The following WWC2 variants were observed in gnomAD, a reference collection of about 807,000 sequenced individuals.
WWC2 encodes the protein protein WWC2.
In WWC2, 101 loss-of-function variants were observed where a neutral mutation model predicts 138.5. The observed-to-expected ratio is 0.73, with a 90% CI of 0.62 to 0.86. The LOEUF is 0.86. WWC2 is among the 40% of genes least tolerant of loss of function. The pLI, the probability that WWC2 is intolerant of heterozygous loss-of-function variation, is 0.00. For synonymous variants in WWC2, 558 were observed against 538.4 expected, an observed-to-expected ratio of 1.04 and a Z score of -0.50; for missense variants, 1,420 against 1,419.4, an observed-to-expected ratio of 1.00 and a Z score of -0.01.
chr4:183,277,601 T>C (rs1174864134), intron 16 of WWC2, among the ~76,000 whole-genome samples: 1 of 144,296 alleles, frequency 6.9e-6, no homozygotes, highest in African/African-American at 2.6e-5. Context: ...CCACCAACAG[T>C]GTAAAAGTGT....
In WWC2 at chr4:183,104,072, G is replaced by A. The variant is rs542209769; in HGVS notation, c.131+4450G>A. On this transcript the variant is annotated intron_variant, in intron 1 of 22. Coordinates refer to ENST00000403733, the MANE Select transcript of WWC2 (RefSeq NM_024949.6). ...CCTCCTGGGTTCAAGTGATTCTCCT[G>A]CCTCAGCCTCCCGAGTAGCTGGGAT... Among the ~76,000 whole-genome samples, 7 of 151,758 alleles carry A rather than the reference G, an allele frequency of 4.6e-5. No homozygotes were observed. The East Asian group carries it at 1.4e-3, about 29-fold the overall frequency.
At chr4:183,207,725 G>A (rs1735485180) in intron 2 of WWC2, among the ~76,000 whole-genome samples, 1 of 152,190 alleles carries the variant, frequency 6.6e-6, no homozygotes, top group African/African-American at 2.4e-5. Flanking sequence ...ACAACATTGT[G>A]TGTGGTAGAT....
intron 11 of WWC2, among the ~76,000 whole-genome samples, chr4:183,264,038 C>G (rs1737417547): frequency 6.6e-6 from 1 of 152,120 alleles, no homozygotes; most frequent in African/African-American, 2.4e-5. Context: ...TGTGGTTATT[C>G]CTGGGGGTAA....
intron 21 of WWC2, among the ~76,000 whole-genome samples, chr4:183,291,675 A>G (rs1299468689): frequency 6.6e-6 from 1 of 152,224 alleles, no homozygotes; most frequent in African/African-American, 2.4e-5. Flanking sequence ...AAATTTCTAG[A>G]TATCAATAAT....
chr4:183,150,624 C>T (rs1445973212), intron 1 of WWC2, among the ~76,000 whole-genome samples: 6 of 152,020 alleles, frequency 3.9e-5, no homozygotes, highest in South Asian at 2.1e-4. Context: ...TGGTTTGCTG[C>T]GCCCATTAAC....
chr4:183,300,749 G>C (rs2111099716), intron 21 of WWC2, among the ~76,000 whole-genome samples: 1 of 142,066 alleles, frequency 7.0e-6, no homozygotes, highest in East Asian at 2.1e-4. Flanking sequence ...TCCCTGGTCA[G>C]CTTTTTTTTT....
chr4:183,151,161 T>C (rs1440895661), intron 1 of WWC2, among the ~76,000 whole-genome samples: 1 of 152,220 alleles, frequency 6.6e-6, no homozygotes, highest in Non-Finnish European at 1.5e-5. Flanking sequence ...ACCAACAGTG[T>C]AAAAGCATTC....
At chr4:183,199,538 G>A (rs1735246320) in intron 2 of WWC2, among the ~76,000 whole-genome samples, 1 of 152,182 alleles carries the variant, frequency 6.6e-6, no homozygotes, top group South Asian at 2.1e-4. Flanking sequence ...CCCTGTAGTA[G>A]ATGGCCAATA....
intron 4 of WWC2, among the ~76,000 whole-genome samples, chr4:183,225,939 A>G (rs1056477261): frequency 3.9e-5 from 6 of 152,204 alleles, no homozygotes; most frequent in African/African-American, 1.2e-4. Context: ...ACTCATAAAA[A>G]TTAACCACAT....
intron 21 of WWC2, among the ~76,000 whole-genome samples, chr4:183,305,636 A>G (rs1463726185): frequency 6.6e-6 from 1 of 152,204 alleles, no homozygotes; most frequent in Admixed American, 6.5e-5. Flanking sequence ...GGAAAAAGAA[A>G]CCAACCTAGA....
chr4:183,273,808 A>G (rs1465649415), intron 16 of WWC2, among the ~76,000 whole-genome samples: 4 of 152,220 alleles, frequency 2.6e-5, no homozygotes, highest in African/African-American at 9.6e-5. Context: ...TGCTTTTGGT[A>G]TCATAGCTAA....
intron 4 of WWC2, among the ~76,000 whole-genome samples, chr4:183,211,463 G>A (rs1735596124): frequency 6.6e-6 from 1 of 152,208 alleles, no homozygotes; most frequent in African/African-American, 2.4e-5. Context: ...GTTTTAGGTA[G>A]TCAGGCCAGG....
chr4:183,250,466 C>T (rs919523984), intron 8 of WWC2, among the ~76,000 whole-genome samples: 15 of 152,036 alleles, frequency 9.9e-5, no homozygotes, highest in African/African-American at 3.1e-4. Context: ...CAGTTCCAGT[C>T]GACTTAGGTT....
chr4:183,135,211 G>T lies in WWC2; in HGVS notation c.131+35589G>T, dbSNP rs961310859. ...TGGGATTACCGGAGTGAGCGACCCC[G>T]CCTGGCTGATCTTTATCTTTTAACT... On this transcript the variant is annotated intron_variant, in intron 1 of 22. Transcript: ENST00000403733. Among the ~76,000 whole-genome samples the T allele has an allele frequency of 3.3e-5, 5 of 152,054 alleles. No individual in the cohort carries two copies. The East Asian group carries it at 9.7e-4, about 29-fold the overall frequency.
intron 22 of WWC2, among the ~76,000 whole-genome samples, chr4:183,312,971 G>A (rs907976045): frequency 6.6e-6 from 1 of 152,160 alleles, no homozygotes; most frequent in Non-Finnish European, 1.5e-5. Flanking sequence ...GGATAGGTAG[G>A]GACCTGTGAG....
intron 5 of WWC2, among the ~76,000 whole-genome samples, chr4:183,244,793 G>GC (rs1272992081): frequency 1.3e-5 from 2 of 152,118 alleles, no homozygotes; most frequent in Non-Finnish European, 2.9e-5. Flanking sequence ...TAAAGCATTT[G>GC]CCCACGTCTT....
chr4:183,226,095 C>CTTT (rs11321151), intron 4 of WWC2, among the ~76,000 whole-genome samples: 16 of 113,486 alleles, frequency 1.4e-4, no homozygotes, highest in African/African-American at 2.8e-4. Flanking sequence ...CTTTTCTTTT[C>CTTT]TTTTTTTTTT....
intron 1 of WWC2, among the ~76,000 whole-genome samples, chr4:183,128,044 A>G (rs557124955): frequency 7.2e-5 from 9 of 125,108 alleles, no homozygotes; most frequent in African/African-American, 2.3e-4. Context: ...CCCATCTCTG[A>G]AAAAAAAAAA....
intron 2 of WWC2, among the ~76,000 whole-genome samples, chr4:183,198,895 A>G (rs2111222191): frequency 6.6e-6 from 1 of 151,022 alleles, no homozygotes; most frequent in East Asian, 2.0e-4. Flanking sequence ...CATTTACTGG[A>G]CATTCAAGAG....
Sources: allele counts gnomAD v4.1 joint callset (sites outside exome capture counted in the v4.1 genomes callset), GRCh38; gene constraint gnomAD v4.1.1; transcripts MANE v1.5; gene names NCBI Gene and HGNC (gene_info 2026-07-23, HGNC 2026-07-21).